OSTF1: variants seen among roughly 807,000 people sequenced by gnomAD.
OSTF1 encodes the protein osteoclast stimulating factor 1, also known as osteoclast-stimulating factor 1.
OSTF1 carries 27 observed loss-of-function variants against 37.2 expected under a neutral mutation model. The ratio of observed to expected loss-of-function variants is 0.73; its 90% CI spans 0.54 to 1.00. The LOEUF is 1.00. Among genes scored for constraint, OSTF1 ranks in the 50% least tolerant of loss-of-function variants. The pLI is 0.00. For synonymous variants in OSTF1, 82 were observed against 89.2 expected (o/e 0.92, Z 0.46); for missense variants, 232 against 253.8 (o/e 0.91, Z 0.58).
intron 1 of OSTF1, among the ~76,000 whole-genome samples, chr9:75,113,883 C>T (rs925229998): frequency 1.3e-5 from 2 of 152,182 alleles, no homozygotes; most frequent in East Asian, 3.8e-4. Context: ...TACAATAGAT[C>T]TCTTGAACTT....
intron 1 of OSTF1, among the ~76,000 whole-genome samples, chr9:75,106,971 GAAAAAGAAAA>G (rs1825296886): frequency 2.8e-5 from 3 of 108,280 alleles, no homozygotes; most frequent in African/African-American, 6.7e-5. Flanking sequence ...AAAAGAAAAA[GAAAAAGAAAA>G]AAAAAGAAAA....
At position 75,127,558 on chromosome 9, in the gene OSTF1, T is replaced by A. The variant is rs1188007657; in HGVS notation, c.82-11T>A. ...AAATCACATGGAGTCAAACTTTTTTTTTTCTTCTAGCCAGATGAATTATAC... is the reference window on the plus strand; with the variant it reads ...AAATCACATGGAGTCAAACTTTTTTATTTCTTCTAGCCAGATGAATTATAC... On this transcript the variant is annotated splice_polypyrimidine_tract_variant and intron_variant, in intron 2 of 9. Transcript: ENST00000346234. The A allele has an allele frequency of 1.3e-6, 2 of 1,537,856 alleles. No homozygotes were observed. The highest frequency in any genetic ancestry group is 1.8e-6 in the Non-Finnish European group (2 of 1,130,240).
chr9:75,139,057 T>TCCTTCCTTCCTTCC (rs1554774439), intron 8 of OSTF1, among the ~76,000 whole-genome samples: 9 of 138,598 alleles, frequency 6.5e-5, no homozygotes, highest in African/African-American at 2.1e-4. Flanking sequence ...TTTCTTTCTT[T>TCCTTCCTTCCTTCC]TTTTTTTGAA....
chr9:75,094,372 G>GT (rs796781294), intron 1 of OSTF1, among the ~76,000 whole-genome samples: 288 of 143,304 alleles, frequency 2.0e-3, no homozygotes, highest in Admixed American at 3.8e-3. Flanking sequence ...AAAAAGGTGG[G>GT]TTTTTTTTTT....
chr9:75,146,604 G>A (rs1198121940), intron 9 of OSTF1, 79 bp from the exon 10 acceptor site: 2 of 928,184 alleles, frequency 2.2e-6, no homozygotes, highest in African/African-American at 3.3e-5. Context: ...TCTAATTTAA[G>A]AGCTTTGAAA....
chr9:75,093,060 C>CTTTT (rs1433476660), intron 1 of OSTF1, among the ~76,000 whole-genome samples: 10 of 134,942 alleles, frequency 7.4e-5, no homozygotes, highest in Non-Finnish European at 1.2e-4. Context: ...CTCTTTCTTT[C>CTTTT]TTTCTTTTTT....
chr9:75,130,294 T>G (rs1825742534), intron 3 of OSTF1, among the ~76,000 whole-genome samples: 1 of 152,210 alleles, frequency 6.6e-6, no homozygotes, highest in African/African-American at 2.4e-5. Context: ...TAGTCTAAAC[T>G]AGCGTAATTT....
At chr9:75,104,869 T>A (rs1371504780) in intron 1 of OSTF1, among the ~76,000 whole-genome samples, 2 of 152,202 alleles carry the variant, frequency 1.3e-5, no homozygotes, top group Admixed American at 6.5e-5. Context: ...TAAGGCTCTT[T>A]GCTGCCACTC....
chr9:75,128,717 C>T (rs552156617), intron 3 of OSTF1, among the ~76,000 whole-genome samples: 2 of 148,922 alleles, frequency 1.3e-5, no homozygotes, highest in South Asian at 2.1e-4. Context: ...GAGATTGTTG[C>T]ATGTGTATTG....
At chr9:75,111,319 C>T (rs940000976) in intron 1 of OSTF1, among the ~76,000 whole-genome samples, 2 of 152,284 alleles carry the variant, frequency 1.3e-5, no homozygotes, top group South Asian at 2.1e-4. Flanking sequence ...CTAGGGTCAT[C>T]CCAACTCCAG....
chr9:75,102,172 G>C (rs1409497801), intron 1 of OSTF1, among the ~76,000 whole-genome samples: 1 of 152,016 alleles, frequency 6.6e-6, no homozygotes, highest in Non-Finnish European at 1.5e-5. Flanking sequence ...ATGGGGTCTC[G>C]CTCTGTTGCC....
intron 9 of OSTF1, 93 bp downstream of exon 9, chr9:75,141,025 G>A (rs1587479938): frequency 3.4e-6 from 3 of 887,378 alleles, no homozygotes; most frequent in East Asian, 5.5e-5. Flanking sequence ...TCAGCTGAGT[G>A]CAGTGGCTTA....
At chr9:75,094,268 CT>C (rs973094539) in intron 1 of OSTF1, among the ~76,000 whole-genome samples, 14 of 151,998 alleles carry the variant, frequency 9.2e-5, no homozygotes, top group African/African-American at 3.4e-4. Context: ...AAACTATGCA[CT>C]TTTTGAGAGT....
chr9:75,098,553 C>G (rs1564153748), intron 1 of OSTF1, among the ~76,000 whole-genome samples: 1 of 152,056 alleles, frequency 6.6e-6, no homozygotes, highest in East Asian at 1.9e-4. Context: ...CTTGAATGGC[C>G]ATCGAGATAC....
At chr9:75,089,588 GACTGACGTATTTCAAT>G (rs1324624954) in intron 1 of OSTF1, among the ~76,000 whole-genome samples, 5 of 152,240 alleles carry the variant, frequency 3.3e-5, no homozygotes, top group African/African-American at 1.2e-4. Context: ...AATTAGAAAG[GACTGACGTATTTCAAT>G]ACTTTAACAA....
At chr9:75,117,621 T>C in intron 2 of OSTF1, 71 bp downstream of exon 2, 1 of 1,081,082 alleles carries the variant, frequency 9.2e-7, no homozygotes, top group Admixed American at 1.8e-5. Flanking sequence ...ACATTTCCTC[T>C]GGTGTGAATG....
At chr9:75,099,809 A>G (rs1248418753) in intron 1 of OSTF1, among the ~76,000 whole-genome samples, 2 of 152,082 alleles carry the variant, frequency 1.3e-5, no homozygotes, top group African/African-American at 4.8e-5. Context: ...AGCCTGGGCA[A>G]TAGTGTGAGA....
At chr9:75,141,702 T>A (rs932958347) in intron 9 of OSTF1, among the ~76,000 whole-genome samples, 1 of 152,214 alleles carries the variant, frequency 6.6e-6, no homozygotes, top group East Asian at 1.9e-4. Context: ...CTTCTGGACT[T>A]TATTCATAGT....
intron 1 of OSTF1, among the ~76,000 whole-genome samples, chr9:75,094,231 C>T (rs1356397244): frequency 9.9e-5 from 15 of 152,170 alleles, no homozygotes; most frequent in Non-Finnish European, 1.5e-5. Context: ...TAACTGCCCT[C>T]TTTCAATGGA....
Sources: gnomAD v4.1 joint callset for allele counts (sites outside exome capture counted in the v4.1 genomes callset) on GRCh38, gnomAD v4.1.1 for gene constraint, MANE v1.5 for transcripts, NCBI Gene and HGNC (gene_info 2026-07-23, HGNC 2026-07-21) for gene names.